The following ABCC9 variants were observed in gnomAD, a reference collection of about 807,000 sequenced individuals.
ABCC9 encodes ATP-binding cassette sub-family C member 9.
Under a neutral mutation model 188.3 loss-of-function variants are expected in ABCC9, and 95 were observed. The observed-to-expected ratio is 0.50, with a 90% CI of 0.43 to 0.60. The LOEUF (loss-of-function observed/expected upper bound fraction) is 0.60, where lower values mean the gene tolerates loss of function less well. ABCC9 is among the 20% of genes least tolerant of loss of function. The pLI is 0.00. For synonymous variants in ABCC9, 659 were observed against 652.7 expected, an observed-to-expected ratio of 1.01 and a Z score of -0.15; for missense variants, 1,102 against 1,876.3, an observed-to-expected ratio of 0.59 and a Z score of 7.62.
chr12:21,848,250 C>T lies in ABCC9; in HGVS notation c.2770-4G>A, dbSNP rs1217145783. ...TAGTTTGGTCAGCTTCCATATCCTGCAGTAAACATTGTACTATCATGCAAG... is the reference window on the plus strand; with the variant it reads ...TAGTTTGGTCAGCTTCCATATCCTGTAGTAAACATTGTACTATCATGCAAG... On this transcript the variant is annotated splice_region_variant and splice_polypyrimidine_tract_variant and intron_variant, in intron 24 of 39. Transcript: ENST00000261200. The T allele has an allele frequency of 6.2e-7, 1 of 1,612,002 alleles. No individual in the cohort carries two copies. The highest frequency in any genetic ancestry group is 1.7e-5 in the Admixed American group (1 of 59,954).
chr12:21,804,878 A>G (rs1411339459), intron 39 of ABCC9, among the ~76,000 whole-genome samples: 5 of 152,246 alleles, frequency 3.3e-5, no homozygotes, highest in African/African-American at 7.2e-5. Flanking sequence ...GGATGCTTAC[A>G]AAACATCCCT....
intron 6 of ABCC9, 65 bp downstream of exon 6, chr12:21,916,872 A>T: frequency 7.0e-7 from 1 of 1,424,814 alleles, no homozygotes; most frequent in Non-Finnish European, 9.5e-7. Flanking sequence ...ATTTCTAGCT[A>T]ACTGTAATCT....
intron 16 of ABCC9, among the ~76,000 whole-genome samples, chr12:21,877,562 C>G (rs1946426238): frequency 6.6e-6 from 1 of 152,046 alleles, no homozygotes; most frequent in African/African-American, 2.4e-5. Context: ...ATTTTCTCTC[C>G]TAGGGTAGGT....
chr12:21,841,648 C>T (rs977436430), intron 29 of ABCC9, among the ~76,000 whole-genome samples: 3 of 152,082 alleles, frequency 2.0e-5, no homozygotes, highest in South Asian at 2.1e-4. Flanking sequence ...TGGGCCACCA[C>T]GCCCGGCCTA....
chr12:21,820,684 G>T (rs1355925753), intron 31 of ABCC9, among the ~76,000 whole-genome samples: 1 of 151,964 alleles, frequency 6.6e-6, no homozygotes, highest in Admixed American at 6.6e-5. Context: ...CATCAACTTT[G>T]TTTCTGCCAG....
At chr12:21,829,356 C>T (rs919625339) in intron 30 of ABCC9, among the ~76,000 whole-genome samples, 27 of 151,958 alleles carry the variant, frequency 1.8e-4, no homozygotes, top group Admixed American at 5.9e-4. Context: ...CACCCGCCAC[C>T]ATGCCCGGCT....
At chr12:21,845,918 T>G in intron 25 of ABCC9, 86 bp from the exon 26 acceptor site, 1 of 987,062 alleles carries the variant, frequency 1.0e-6, no homozygotes, top group South Asian at 1.4e-5. Context: ...ATATAAACAT[T>G]CATACATTTA....
intron 15 of ABCC9, among the ~76,000 whole-genome samples, chr12:21,885,579 G>A (rs997220714): frequency 2.6e-5 from 4 of 152,038 alleles, no homozygotes; most frequent in Non-Finnish European, 5.9e-5. Flanking sequence ...CAAGAGTGAC[G>A]AGACTGGTTC....
intron 31 of ABCC9, among the ~76,000 whole-genome samples, chr12:21,819,980 A>C (rs996987139): frequency 6.6e-6 from 1 of 152,134 alleles, no homozygotes; most frequent in Non-Finnish European, 1.5e-5. Context: ...TATTTGAATT[A>C]ACTACATGGA....
chr12:21,879,977 G>A (rs1056590741), intron 16 of ABCC9, among the ~76,000 whole-genome samples: 2 of 151,648 alleles, frequency 1.3e-5, no homozygotes, highest in Non-Finnish European at 2.9e-5. Context: ...AAGGCTATCA[G>A]TTGATTCACA....
chr12:21,809,975 A>C lies in ABCC9; in HGVS notation c.4212-20T>G, dbSNP rs765516768. ...TTAAATCTGTAGGGAAAAATTAGTT[A>C]ATTAGTCAATAAGTGAAAATATAGA... On this transcript the variant is annotated intron_variant, in intron 36 of 39. Transcript: ENST00000261200. The C allele has an allele frequency of 7.2e-7, 1 of 1,394,872 alleles. No homozygotes were observed. Among genetic ancestry groups the C allele is most frequent in the Admixed American group, 1.7e-5 (1 of 59,486 alleles). The allele number at this position is 1,394,872 out of a possible 1,614,324, so 86.4% of individuals were successfully genotyped here. A position where few individuals can be genotyped will look rare whatever the true frequency, so the allele number is the denominator to read the frequency against.
At chr12:21,927,324 CA>C (rs1208216567) in intron 4 of ABCC9, among the ~76,000 whole-genome samples, 1 of 152,036 alleles carries the variant, frequency 6.6e-6, no homozygotes, top group East Asian at 1.9e-4. Flanking sequence ...ATAGCTCTAG[CA>C]GTCATGTGGA....
At chr12:21,847,016 C>G (rs541412028) in intron 25 of ABCC9, among the ~76,000 whole-genome samples, 80 of 152,208 alleles carry the variant, frequency 5.3e-4, no homozygotes, top group African/African-American at 1.9e-3. Flanking sequence ...CCCTCTACTT[C>G]TTTTCTTCCC....
chr12:21,823,906 A>G (rs939644561), intron 31 of ABCC9, among the ~76,000 whole-genome samples: 1 of 152,216 alleles, frequency 6.6e-6, no homozygotes, highest in African/African-American at 2.4e-5. Context: ...GCCGCTTTCT[A>G]CCAGCCAAAT....
chr12:21,855,978 C>T (rs917345457), intron 22 of ABCC9, among the ~76,000 whole-genome samples: 1 of 152,126 alleles, frequency 6.6e-6, no homozygotes, highest in African/African-American at 2.4e-5. Flanking sequence ...CCCCAAAAGC[C>T]TCAGTACGTT....
rs1944630867 is a variant in ABCC9 at position 21,845,799 on chromosome 12, A to G, written c.2900T>C (p.Met967Thr). 2 of 1,613,762 alleles carry G rather than the reference A, an allele frequency of 1.2e-6. No individual in the cohort carries two copies. Among genetic ancestry groups the G allele is most frequent in the African/African-American group, 1.3e-5 (1 of 75,042 alleles). ...EEEEEDEDDNMSTVMRLRTKM... is the reference protein window; with the variant it reads ...EEEEEDEDDNTSTVMRLRTKM... ...AGTCCTGAGCCTCATTACAGTGGAC[A>G]TGTTATCATCCTCATCTTCCTCCTC... The change falls in exon 26 of 40, where the codon ATG becomes ACG. Residue 967 changes from methionine to threonine, a missense_variant. Coordinates refer to ENST00000261200, the MANE Select transcript of ABCC9 (RefSeq NM_020297.4).
At chr12:21,920,414 C>A (rs56285108) in intron 5 of ABCC9, among the ~76,000 whole-genome samples, 1 of 151,868 alleles carries the variant, frequency 6.6e-6, no homozygotes, top group East Asian at 1.9e-4. Flanking sequence ...AGTCAACATA[C>A]AAAATCATTT....
At position 21,855,447 on chromosome 12, in the gene ABCC9, C is replaced by A. The variant is rs11046214; in HGVS notation, c.2506-2942G>T. Among the ~76,000 whole-genome samples, 17 of 152,284 alleles carry A rather than the reference C, an allele frequency of 1.1e-4. No homozygotes were observed. The East Asian group carries it at 3.1e-3, about 28-fold the overall frequency. ...ATGTTGGTCAGGCTGGTTTCATACT[C>A]CTGATCTCAACTGGTCTGCCTGCCT... On this transcript the variant is annotated intron_variant, in intron 22 of 39. Coordinates refer to ENST00000261200, the MANE Select transcript of ABCC9 (RefSeq NM_020297.4).
In ABCC9 at chr12:21,930,015, G is replaced by A. The variant is rs527242454; in HGVS notation, c.284+3767C>T. 2.4e-4 allele frequency among the ~76,000 whole-genome samples: 32 copies of A among 131,314 alleles called. No homozygotes were observed. The South Asian group carries it at 6.4e-3, about 26-fold the overall frequency. The allele number at this position is 131,314 out of a possible 152,430, so 86.1% of individuals were successfully genotyped here. ...TACCTCATGACAGGCCCCAGTGTGTGATATTCCCCTTCCTGTGTCCAAGTG... is the reference window on the plus strand; with the variant it reads ...TACCTCATGACAGGCCCCAGTGTGTAATATTCCCCTTCCTGTGTCCAAGTG... On this transcript the variant is annotated intron_variant, in intron 4 of 39. Transcript: ENST00000261200.
Sources: allele counts gnomAD v4.1 joint callset (sites outside exome capture counted in the v4.1 genomes callset), GRCh38; gene constraint gnomAD v4.1.1; transcripts MANE v1.5; gene names NCBI Gene and HGNC (gene_info 2026-07-23, HGNC 2026-07-21).